Variants in CCDC88A observed in about 807,000 individuals in gnomAD.
The protein encoded by CCDC88A is coiled-coil and HOOK domain protein 88A.
A neutral mutation model predicts 234.3 loss-of-function variants in CCDC88A; 54 were observed. The observed-to-expected ratio is 0.23, with a 90% CI of 0.19 to 0.29. The LOEUF is 0.29. Among genes scored for constraint, CCDC88A ranks in the 10% least tolerant of loss-of-function variants. The probability of loss-of-function intolerance (pLI) is 1.00; values close to 1 mark genes in which losing one functional copy is unlikely to be tolerated. For missense variants in CCDC88A, 1,832 were observed against 2,123.4 expected, an observed-to-expected ratio of 0.86 and a Z score of 2.70; for synonymous variants, 753 against 737.8, an observed-to-expected ratio of 1.02 and a Z score of -0.33.
chr2:55,367,525 C>CTTTTTTTTTTTTTTTTTT (rs1262914627), intron 5 of CCDC88A, among the ~76,000 whole-genome samples: 8 of 33,610 alleles, frequency 2.4e-4, no homozygotes, highest in South Asian at 3.3e-3. Context: ...GTTTTATTTC[C>CTTTTTTTTTTTTTTTTTT]TTGTTTTTTT....
chr2:55,404,242 G>C (rs1679187096), intron 2 of CCDC88A: 1 of 152,120 alleles, frequency 6.6e-6, no homozygotes, highest in African/African-American at 2.4e-5. Flanking sequence ...ATTAAATTTA[G>C]TCATAGAAAC....
intron 12 of CCDC88A, among the ~76,000 whole-genome samples, chr2:55,341,899 T>C (rs1668559143): frequency 6.6e-6 from 1 of 152,192 alleles, no homozygotes; most frequent in African/African-American, 2.4e-5. Context: ...ATCTCTTTGA[T>C]ATACTGATTT....
At chr2:55,381,540 G>A (rs1396881426) in intron 3 of CCDC88A, among the ~76,000 whole-genome samples, 1 of 118,328 alleles carries the variant, frequency 8.5e-6, no homozygotes. Flanking sequence ...GCAACAGAGT[G>A]AGACCCTGTC....
chr2:55,398,024 A>C (rs1252247652), intron 2 of CCDC88A, among the ~76,000 whole-genome samples: 1 of 152,206 alleles, frequency 6.6e-6, no homozygotes, highest in Non-Finnish European at 1.5e-5. Context: ...AATGAAAAAT[A>C]AAATTTAAAT....
chr2:55,376,351 C>G (rs751727728), intron 3 of CCDC88A, among the ~76,000 whole-genome samples: 1 of 152,168 alleles, frequency 6.6e-6, no homozygotes, highest in Non-Finnish European at 1.5e-5. Context: ...AGGTATTCAA[C>G]TCTTTCTGAA....
rs112844407 is a variant in CCDC88A at position 55,301,757 on chromosome 2, A to G, written c.4672+115T>C. 54 of 834,010 alleles carry G rather than the reference A, an allele frequency of 6.5e-5. No individual in the cohort carries two copies. The African/African-American group carries it at 8.0e-4, about 12-fold the overall frequency. The allele number at this position is 834,010 out of a possible 1,614,324, so 51.7% of individuals were successfully genotyped here. A position where few individuals can be genotyped will look rare whatever the true frequency, so the allele number is the denominator to read the frequency against. ...AGTTCCTCCAAATCCAATACAGATC[A>G]TGTTTTGATAATTATTTCAGGTTGC... is the stretch of plus-strand genomic sequence containing the variant. On this transcript the variant is annotated intron_variant, in intron 27 of 32. Transcript: ENST00000436346.
chr2:55,416,912 T>C (rs934533762), intron 2 of CCDC88A: 3 of 152,080 alleles, frequency 2.0e-5, no homozygotes, highest in South Asian at 2.1e-4. Context: ...GTATACTTTT[T>C]TTTTCTTTTC....
chr2:55,299,812 G>T, intron 29 of CCDC88A, 27 bp downstream of exon 29: 2 of 1,420,924 alleles, frequency 1.4e-6, no homozygotes, highest in Non-Finnish European at 2.0e-6. Flanking sequence ...TGGATAGAGC[G>T]CATTAATAAA....
At chr2:55,410,531 G>C (rs1477309266) in intron 2 of CCDC88A, among the ~76,000 whole-genome samples, 2 of 152,138 alleles carry the variant, frequency 1.3e-5, no homozygotes, top group South Asian at 2.1e-4. Context: ...ACAAATGTTA[G>C]GGGCAGATCT....
chr2:55,301,332 T>C lies in CCDC88A; in HGVS notation c.4673-55A>G, dbSNP rs931421930. On this transcript the variant is annotated intron_variant, in intron 27 of 32. Transcript: ENST00000436346. ...ATATTTTTGTAATAAAAAACCATTA[T>C]AAAATTTTATTTACATAGAATATGG... 55 of 915,164 alleles carry C rather than the reference T, an allele frequency of 6.0e-5. 1 individual carries two copies. The highest frequency in any genetic ancestry group is 6.6e-4 in the Middle Eastern group (2 of 3,012). The allele number at this position is 915,164 out of a possible 1,614,324, so 56.7% of individuals were successfully genotyped here.
chr2:55,385,512 T>C (rs1343811962), intron 3 of CCDC88A, among the ~76,000 whole-genome samples: 2 of 152,000 alleles, frequency 1.3e-5, no homozygotes, highest in South Asian at 2.1e-4. Flanking sequence ...GATACCAGAT[T>C]AGAACAAATA....
chr2:55,317,432 T>C lies in CCDC88A; in HGVS notation c.3603-83A>G. 1 of 1,213,604 alleles carries C rather than the reference T, an allele frequency of 8.2e-7. No homozygotes were observed. The highest frequency in any genetic ancestry group is 1.1e-6 in the Non-Finnish European group (1 of 896,922). The allele number at this position is 1,213,604 out of a possible 1,614,324, so 75.2% of individuals were successfully genotyped here. ...GAAGGAAATGAGTAATGAGTATCAT[T>C]TAAAACACATGTAAATTTATATAAA... On this transcript the variant is annotated intron_variant, in intron 20 of 32. Transcript: ENST00000436346. The surrounding 1 kb of genome is among the most constrained non-coding windows in gnomAD (Gnocchi z 4.2).
intron 2 of CCDC88A, among the ~76,000 whole-genome samples, chr2:55,399,344 G>A (rs1377399317): frequency 6.6e-6 from 1 of 151,924 alleles, no homozygotes; most frequent in African/African-American, 2.4e-5. Context: ...GGCCAAGATG[G>A]TGAAACCCCG....
At chr2:55,413,335 T>A (rs1680813380) in intron 2 of CCDC88A, among the ~76,000 whole-genome samples, 1 of 152,134 alleles carries the variant, frequency 6.6e-6, no homozygotes, top group Non-Finnish European at 1.5e-5. Context: ...GGGGATATAG[T>A]GGGTCAACAA....
chr2:55,393,289 G>T (rs1262604271), intron 2 of CCDC88A, among the ~76,000 whole-genome samples: 28 of 61,684 alleles, frequency 4.5e-4, no homozygotes, highest in African/African-American at 1.3e-3. Context: ...GGTTTTTTGG[G>T]TTTTTTTTTT....
At chr2:55,363,183 T>G (rs575153229) in intron 6 of CCDC88A, among the ~76,000 whole-genome samples, 1 of 152,104 alleles carries the variant, frequency 6.6e-6, no homozygotes, top group East Asian at 1.9e-4. Flanking sequence ...AATATGCTTA[T>G]TGTTGATAAT....
intron 2 of CCDC88A, among the ~76,000 whole-genome samples, chr2:55,394,939 G>A (rs773251744): frequency 7.9e-5 from 12 of 151,900 alleles, no homozygotes; most frequent in African/African-American, 1.2e-4. Flanking sequence ...TCCACCTTCT[G>A]GGTTCAAGTG....
chr2:55,348,814 C>G (rs1465053967), intron 9 of CCDC88A: 2 of 152,146 alleles, frequency 1.3e-5, no homozygotes, highest in Non-Finnish European at 2.9e-5. Flanking sequence ...GAAATAAAGA[C>G]TATGAAGCCC....
intron 2 of CCDC88A, among the ~76,000 whole-genome samples, chr2:55,407,768 A>G (rs555609729): frequency 1.2e-3 from 150 of 128,384 alleles, no homozygotes; most frequent in African/African-American, 4.5e-3. Context: ...TCCAGGCTGT[A>G]GTGCAGTGGC....
Sources: gnomAD v4.1 joint callset for allele counts (sites outside exome capture counted in the v4.1 genomes callset) on GRCh38, gnomAD v4.1.1 for gene constraint, Gnocchi (gnomAD v3.1) non-coding constraint, MANE v1.5 for transcripts, NCBI Gene and HGNC (gene_info 2026-07-23, HGNC 2026-07-21) for gene names.